SLC14A2: variants seen among roughly 807,000 people sequenced by gnomAD.
SLC14A2 encodes urea transporter 2.
Under a neutral mutation model 104.6 loss-of-function variants are expected in SLC14A2, and 91 were observed. The ratio of observed to expected loss-of-function variants is 0.87; its 90% CI spans 0.73 to 1.04. The LOEUF (loss-of-function observed/expected upper bound fraction) is 1.04. Ranked by LOEUF, SLC14A2 falls within the 50% of genes least tolerant of loss-of-function variation. The pLI is 0.00. For missense variants in SLC14A2, 1,189 were observed against 1,156.0 expected (o/e 1.03, Z -0.41); for synonymous variants, 476 against 466.4 (o/e 1.02, Z -0.27).
At chr18:45,308,394 C>T (rs1369516728) in intron 1 of SLC14A2, among the ~76,000 whole-genome samples, 1 of 152,228 alleles carries the variant, frequency 6.6e-6, no homozygotes, top group Non-Finnish European at 1.5e-5. Context: ...CCCATGTGGT[C>T]TAACTCTAGG....
chr18:45,372,357 T>A (rs2085732453), intron 1 of SLC14A2, among the ~76,000 whole-genome samples: 1 of 150,852 alleles, frequency 6.6e-6, no homozygotes, highest in Non-Finnish European at 1.5e-5. Context: ...TAGATAAAAT[T>A]TCTACACTAT....
At chr18:45,474,164 A>G (rs963733680) in intron 1 of SLC14A2, among the ~76,000 whole-genome samples, 36 of 152,234 alleles carry the variant, frequency 2.4e-4, no homozygotes, top group African/African-American at 8.4e-4. Flanking sequence ...GATTCTGTTT[A>G]TGTGATGGAT....
intron 1 of SLC14A2, among the ~76,000 whole-genome samples, chr18:45,304,081 CAG>C (rs2084993908): frequency 6.6e-6 from 1 of 152,214 alleles, no homozygotes; most frequent in African/African-American, 2.4e-5. Flanking sequence ...TGATGTAGAG[CAG>C]AGTTTTCTAA....
chr18:45,560,291 A>C (rs2044184352), intron 2 of SLC14A2, among the ~76,000 whole-genome samples: 1 of 152,222 alleles, frequency 6.6e-6, no homozygotes, highest in Admixed American at 6.5e-5. Context: ...AGAGAGGCTA[A>C]ATAGCTTTGT....
chr18:45,335,811 C>T (rs2085332707), intron 1 of SLC14A2, among the ~76,000 whole-genome samples: 1 of 152,146 alleles, frequency 6.6e-6, no homozygotes, highest in Non-Finnish European at 1.5e-5. Flanking sequence ...CTCTTCCAGC[C>T]AGGAAAGGAG....
At chr18:45,621,297 A>T (rs2045164550) in intron 1 of SLC14A2, among the ~76,000 whole-genome samples, 1 of 152,190 alleles carries the variant, frequency 6.6e-6, no homozygotes, top group Non-Finnish European at 1.5e-5. Context: ...GTCAGAATAC[A>T]AGGAAAGGCC....
chr18:45,657,297 C>T (rs1280648612), intron 10 of SLC14A2, among the ~76,000 whole-genome samples: 1 of 151,704 alleles, frequency 6.6e-6, no homozygotes, highest in African/African-American at 2.4e-5. Flanking sequence ...CACCGTGAAA[C>T]CCCATCTCTA....
At chr18:45,407,886 T>C (rs1297866891) in intron 1 of SLC14A2, among the ~76,000 whole-genome samples, 1 of 152,130 alleles carries the variant, frequency 6.6e-6, no homozygotes, top group East Asian at 1.9e-4. Flanking sequence ...ATATCAAAGA[T>C]CACTGATCAC....
At chr18:45,532,869 A>C (rs1040872377) in intron 2 of SLC14A2, among the ~76,000 whole-genome samples, 26 of 152,124 alleles carry the variant, frequency 1.7e-4, no homozygotes, top group Non-Finnish European at 3.2e-4. Context: ...TGAGATACGT[A>C]CCATCAATAC....
At chr18:45,183,728 C>CTTTCTTTCT in the SLC14A2 span, among the ~76,000 whole-genome samples, 1 of 148,924 alleles carries the variant, frequency 6.7e-6, no homozygotes, top group African/African-American at 2.5e-5. Flanking sequence ...TTCTTTCTCT[C>CTTTCTTTCT]TTTCTTTCTT....
intron 1 of SLC14A2, among the ~76,000 whole-genome samples, chr18:45,296,579 G>C (rs1036789422): frequency 6.6e-6 from 1 of 152,148 alleles, no homozygotes; most frequent in Admixed American, 6.5e-5. Context: ...CTACATGCTG[G>C]ATTAGGGAGT....
At chr18:45,570,531 T>C (rs140533396) in intron 2 of SLC14A2, among the ~76,000 whole-genome samples, 4 of 152,366 alleles carry the variant, frequency 2.6e-5, no homozygotes, top group Non-Finnish European at 5.9e-5. Flanking sequence ...CATGGTACGT[T>C]GGAATTATAA....
the SLC14A2 span, among the ~76,000 whole-genome samples, chr18:45,191,834 C>A: frequency 6.6e-6 from 1 of 152,168 alleles, no homozygotes; most frequent in Admixed American, 6.5e-5. Flanking sequence ...GGAAAAAAAT[C>A]ATGAGTAGAT....
rs2084851859 is a variant in SLC14A2 at position 45,289,857 on chromosome 18, T to G, written c.-125+76666T>G. The stretch of plus-strand genomic sequence containing the variant: ...TTAAATGGTTACTGTCAAAGTCAGA[T>G]GCAAGACCTGAACAACTCGAGAAGA... On this transcript the variant is annotated intron_variant, in intron 1 of 20. Transcript: ENST00000586448. Among the ~76,000 whole-genome samples, 6 of 152,342 alleles carry G rather than the reference T, an allele frequency of 3.9e-5. No homozygotes were observed. In the South Asian group the frequency reaches 1.2e-3, roughly 32 times the overall value.
chr18:45,615,320 C>T (rs1200371082), upstream of SLC14A2: 1 of 152,190 alleles, frequency 6.6e-6, no homozygotes, highest in Non-Finnish European at 1.5e-5. Context: ...AATATCATCT[C>T]AAATTGTAAT....
intron 2 of SLC14A2, among the ~76,000 whole-genome samples, chr18:45,526,845 A>C (rs1478224208): frequency 6.6e-6 from 1 of 152,128 alleles, no homozygotes; most frequent in Non-Finnish European, 1.5e-5. Context: ...ACAAGGAGGG[A>C]GTTGCTAAGA....
At chr18:45,614,375 C>A (rs6507627), upstream of SLC14A2, among the ~76,000 whole-genome samples, 60,327 of 152,042 alleles carry the variant, frequency 0.4, 12,577 homozygotes, top group East Asian at 0.69. Flanking sequence ...GAAGTTGGAG[C>A]CCCCACACAG....
intron 4 of SLC14A2, among the ~76,000 whole-genome samples, chr18:45,630,824 C>T (rs2045332432): frequency 6.6e-6 from 1 of 152,218 alleles, no homozygotes; most frequent in Admixed American, 6.5e-5. Flanking sequence ...ATCTTCCTGG[C>T]CTCAAGAGCA....
At chr18:45,359,064 G>A (rs1342904482) in intron 1 of SLC14A2, among the ~76,000 whole-genome samples, 1 of 152,170 alleles carries the variant, frequency 6.6e-6, no homozygotes, top group Admixed American at 6.5e-5. Flanking sequence ...GAGTTTTGGG[G>A]AGAGTCAGAT....
Sources: allele counts gnomAD v4.1 joint callset (sites outside exome capture counted in the v4.1 genomes callset), GRCh38; gene constraint gnomAD v4.1.1; transcripts MANE v1.5; gene names NCBI Gene and HGNC (gene_info 2026-07-23, HGNC 2026-07-21).